DNAH14: variants seen among roughly 807,000 people sequenced by gnomAD.
The protein encoded by DNAH14 is dynein axonemal heavy chain 14.
A neutral mutation model predicts 520.9 loss-of-function variants in DNAH14; 478 were observed. The ratio of observed to expected loss-of-function variants is 0.92; its 90% CI spans 0.85 to 0.99. The LOEUF is 0.99. DNAH14 is among the 50% of genes least tolerant of loss of function. The pLI is 0.00. For missense variants in DNAH14, 4,831 were observed against 5,234.5 expected, an observed-to-expected ratio of 0.92 and a Z score of 2.38; for synonymous variants, 1,581 against 1,757.2, an observed-to-expected ratio of 0.90 and a Z score of 2.51.
At position 224,967,566 on chromosome 1, in the gene DNAH14, G is replaced by A; in HGVS notation, c.634G>A (p.Ala212Thr). ...KHCKEFWVIT[A>T]SFISKVINIV... ...TTGCAAAGAATTTTGGGTTATTACT[G>A]CTTCATTTATCTCAAAGGTAATGTT... The change falls in exon 6 of 86, where the codon GCT becomes ACT. Residue 212 changes from alanine to threonine, a missense_variant. Coordinates refer to ENST00000682510, the MANE Select transcript of DNAH14 (RefSeq NM_001367479.1). 1 of 1,601,210 alleles carries A rather than the reference G, an allele frequency of 6.2e-7. No homozygotes were observed. Among genetic ancestry groups the A allele is most frequent in the Non-Finnish European group, 8.5e-7 (1 of 1,175,736 alleles).
At chr1:225,007,206 C>T (rs2147854495) in intron 9 of DNAH14, among the ~76,000 whole-genome samples, 2 of 152,254 alleles carry the variant, frequency 1.3e-5, no homozygotes, top group South Asian at 4.1e-4. Context: ...TTGTTTAAAA[C>T]ACCAATGTAT....
At chr1:225,059,261 A>G (rs2069631036) in intron 17 of DNAH14, among the ~76,000 whole-genome samples, 1 of 152,124 alleles carries the variant, frequency 6.6e-6, no homozygotes, top group Admixed American at 6.5e-5. Flanking sequence ...TGTTGAATTG[A>G]TCCCTTTACC....
chr1:225,285,011 C>G (rs1240947382), intron 54 of DNAH14, among the ~76,000 whole-genome samples: 2 of 152,168 alleles, frequency 1.3e-5, no homozygotes, highest in African/African-American at 2.4e-5. Flanking sequence ...GAAAAACTTA[C>G]AGCTAGCCTT....
intron 7 of DNAH14, chr1:224,969,921 T>C (rs1269274968): frequency 6.6e-6 from 1 of 152,294 alleles, no homozygotes; most frequent in Non-Finnish European, 1.5e-5. Flanking sequence ...TTGATTGCGT[T>C]AACTGCACAG....
intron 41 of DNAH14, among the ~76,000 whole-genome samples, chr1:225,217,659 C>T (rs1028361963): frequency 6.6e-6 from 1 of 152,224 alleles, no homozygotes; most frequent in African/African-American, 2.4e-5. Context: ...GACTGCTGTG[C>T]TGGCATTGTG....
At chr1:225,349,892 T>G (rs2095341223) in intron 71 of DNAH14, among the ~76,000 whole-genome samples, 1 of 152,014 alleles carries the variant, frequency 6.6e-6, no homozygotes, top group African/African-American at 2.4e-5. Flanking sequence ...AATAAAACAA[T>G]GAAACAGAAG....
At chr1:225,321,250 G>T (rs1199544964) in intron 61 of DNAH14, among the ~76,000 whole-genome samples, 1 of 152,156 alleles carries the variant, frequency 6.6e-6, no homozygotes, top group Non-Finnish European at 1.5e-5. Flanking sequence ...ATTTCTAGTT[G>T]TACAGACACT....
chr1:225,396,833 G>C (rs1185494710), intron 84 of DNAH14: 1 of 152,176 alleles, frequency 6.6e-6, no homozygotes, highest in Non-Finnish European at 1.5e-5. Flanking sequence ...TGTAAGCTAT[G>C]ACCAAGTTAC....
intron 36 of DNAH14, among the ~76,000 whole-genome samples, chr1:225,168,756 C>G (rs1422343741): frequency 2.0e-5 from 3 of 152,190 alleles, no homozygotes; most frequent in Admixed American, 6.5e-5. Context: ...ATAGCAGAAA[C>G]CTCTGCAGAC....
intron 41 of DNAH14, among the ~76,000 whole-genome samples, chr1:225,226,305 C>G (rs1026292362): frequency 1.5e-4 from 23 of 152,144 alleles, no homozygotes; most frequent in African/African-American, 5.6e-4. Flanking sequence ...ATATATCGCT[C>G]CACTATCCTC....
In DNAH14 at chr1:225,371,010, C is replaced by A. The variant is rs867520258; in HGVS notation, c.12318+2978C>A. 3.3e-5 allele frequency among the ~76,000 whole-genome samples: 5 copies of A among 151,970 alleles called. 1 individual carries two copies. The highest frequency in any genetic ancestry group is 4.4e-5 in the Non-Finnish European group (3 of 67,972). On this transcript the variant is annotated intron_variant, in intron 77 of 85. Coordinates refer to ENST00000682510, the MANE Select transcript of DNAH14 (RefSeq NM_001367479.1). ...CCACAAAAGGCATTGCAAATGACAC[C>A]AGAATGAGATGGTTTTACAGCTTAA...
chr1:225,158,107 C>T (rs953284208), intron 34 of DNAH14, among the ~76,000 whole-genome samples: 1 of 152,022 alleles, frequency 6.6e-6, no homozygotes, highest in African/African-American at 2.4e-5. Context: ...AGTTTTCTTC[C>T]TTTCTATCTC....
At chr1:225,326,343 T>G (rs1283771244) in intron 64 of DNAH14, among the ~76,000 whole-genome samples, 3 of 152,156 alleles carry the variant, frequency 2.0e-5, no homozygotes, top group Admixed American at 1.3e-4. Flanking sequence ...TATCCAGAAG[T>G]GATATCCAAA....
At chr1:225,004,635 A>G (rs1261352615) in intron 9 of DNAH14, among the ~76,000 whole-genome samples, 2 of 152,190 alleles carry the variant, frequency 1.3e-5, no homozygotes, top group African/African-American at 4.8e-5. Flanking sequence ...TTATGAGGGC[A>G]ATTTACAAGA....
intron 41 of DNAH14, among the ~76,000 whole-genome samples, chr1:225,223,120 T>C (rs1429932599): frequency 6.6e-6 from 1 of 151,922 alleles, no homozygotes; most frequent in African/African-American, 2.4e-5. Context: ...CTCCTGTAAA[T>C]TGGAAAAAAG....
rs1161116783 is a variant in DNAH14, at chr1:225,038,810, C to CTG, written c.1476_1477dup (p.Asp493ValfsTer7). On this transcript the variant is annotated frameshift_variant, in exon 12 of 86. Transcript: ENST00000682510. LOFTEE classifies it high-confidence loss of function. The stretch of plus-strand genomic sequence containing the variant: ...CAAAAGTCAGAAGTAAAAACAGACA[C>CTG]TGATATTAATGAGGTAAAATGATCT... The CTG allele has an allele frequency of 6.7e-6, 10 of 1,497,866 alleles. No homozygotes were observed. Among genetic ancestry groups the CTG allele is most frequent in the Non-Finnish European group, 7.1e-6 (8 of 1,125,872 alleles). The allele number at this position is 1,497,866 out of a possible 1,614,324, so 92.8% of individuals were successfully genotyped here.
intron 44 of DNAH14, 65 bp from the exon 45 acceptor site, chr1:225,257,895 A>G: frequency 2.4e-6 from 3 of 1,269,696 alleles, no homozygotes; most frequent in Non-Finnish European, 3.2e-6. Flanking sequence ...GACAAAAAAA[A>G]AAAAAAGATG....
At chr1:225,241,508 T>A (rs1196935527) in intron 43 of DNAH14, among the ~76,000 whole-genome samples, 1 of 152,192 alleles carries the variant, frequency 6.6e-6, no homozygotes, top group East Asian at 1.9e-4. Context: ...ACAACTGGGA[T>A]GTGTTCTGAG....
At chr1:225,223,484 G>T (rs921195156) in intron 41 of DNAH14, among the ~76,000 whole-genome samples, 1 of 152,078 alleles carries the variant, frequency 6.6e-6, no homozygotes, top group African/African-American at 2.4e-5. Context: ...TTAAAAGTCG[G>T]CCATATAGAA....
Sources: allele counts gnomAD v4.1 joint callset (sites outside exome capture counted in the v4.1 genomes callset), GRCh38; gene constraint gnomAD v4.1.1; transcripts MANE v1.5; gene names NCBI Gene and HGNC (gene_info 2026-07-23, HGNC 2026-07-21).